OSBPL5: variants seen among roughly 807,000 people sequenced by gnomAD.
OSBPL5 encodes oxysterol binding protein like 5.
OSBPL5 carries 71 observed loss-of-function variants against 111.2 expected under a neutral mutation model. That is an observed-to-expected ratio of 0.64 (90% CI 0.53 to 0.78). The LOEUF is 0.78. OSBPL5 is among the 30% of genes least tolerant of loss of function. OSBPL5 has a pLI of 0.00. For missense variants in OSBPL5, 1,210 were observed against 1,189.3 expected, an observed-to-expected ratio of 1.02 and a Z score of -0.26; for synonymous variants, 549 against 513.9, an observed-to-expected ratio of 1.07 and a Z score of -0.93.
chr11:3,111,431 T>C (rs1371582807), intron 7 of OSBPL5, among the ~76,000 whole-genome samples: 1 of 152,070 alleles, frequency 6.6e-6, no homozygotes, highest in Non-Finnish European at 1.5e-5. Context: ...AACTGAATTG[T>C]GGTTTGTCTT....
intron 14 of OSBPL5, 140 bp downstream of exon 14, chr11:3,100,018 C>CAA (rs398015214): frequency 0.12 from 53,067 of 444,246 alleles, 1,674 homozygotes; most frequent in African/African-American, 0.25. Context: ...AACTCCATCT[C>CAA]AAAAAAAAAA....
At chr11:3,103,888 A>AGCCCCTTCCTGCCTCTGCAGCCCCC (rs1564830906) in intron 10 of OSBPL5, among the ~76,000 whole-genome samples, 17 of 102,884 alleles carry the variant, frequency 1.7e-4, no homozygotes, top group Non-Finnish European at 2.3e-4. Flanking sequence ...CTGTAGCCCC[A>AGCCCCTTCCTGCCTCTGCAGCCCCC]TTCCTGCCTC....
chr11:3,144,368 C>T (rs551651917), intron 1 of OSBPL5, among the ~76,000 whole-genome samples: 6 of 152,320 alleles, frequency 3.9e-5, no homozygotes, highest in East Asian at 1.9e-4. Flanking sequence ...TGTGCAGAAA[C>T]GCTGGCAGCG....
At chr11:3,096,616 C>CA (rs71035478) in intron 14 of OSBPL5, among the ~76,000 whole-genome samples, 88,358 of 136,480 alleles carry the variant, frequency 0.65, 28,261 homozygotes, top group East Asian at 0.82. Flanking sequence ...AAGACTCTGT[C>CA]AAAAAAAAAA....
chr11:3,132,045 CCATCCATT>C (rs1482213122), intron 1 of OSBPL5, among the ~76,000 whole-genome samples: 12 of 147,878 alleles, frequency 8.1e-5, no homozygotes, highest in African/African-American at 2.5e-4. Context: ...ATCCATCCAT[CCATCCATT>C]CACCCACCTG....
chr11:3,108,917 C>T (rs566441122), intron 7 of OSBPL5, among the ~76,000 whole-genome samples: 1 of 151,804 alleles, frequency 6.6e-6, no homozygotes, highest in East Asian at 2.0e-4. Context: ...TACAGGCATG[C>T]ACCACCACAC....
intron 7 of OSBPL5, among the ~76,000 whole-genome samples, chr11:3,108,847 C>T (rs796409192): frequency 1.3e-4 from 20 of 152,366 alleles, no homozygotes; most frequent in African/African-American, 3.4e-4. Flanking sequence ...CAGCTCACCG[C>T]AACCTCTGCC....
At chr11:3,159,316 C>A (rs1231693704) in intron 1 of OSBPL5, among the ~76,000 whole-genome samples, 1 of 152,182 alleles carries the variant, frequency 6.6e-6, no homozygotes, top group Non-Finnish European at 1.5e-5. Flanking sequence ...TGCTAAGTCC[C>A]AGCACCCCGT....
rs1195952192 is a variant in OSBPL5, at chr11:3,126,736, C to T, written c.137-181G>A. On this transcript the variant is annotated intron_variant, in intron 2 of 21. Transcript: ENST00000263650. This position sits in a 1 kb window ranked among gnomAD's most constrained non-coding sequence, Gnocchi z 6.5. Reference sequence around the variant, plus strand: ...GAGAGGTGTAATAAACGCCAGCAAGCGTCACTGTGGGAGGAGTGTGCCAGG... The same window carrying T: ...GAGAGGTGTAATAAACGCCAGCAAGTGTCACTGTGGGAGGAGTGTGCCAGG... The T allele has an allele frequency of 3.0e-5, 15 of 505,312 alleles. No individual in the cohort carries two copies. The East Asian group carries it at 3.1e-4, about 10-fold the overall frequency. The allele number at this position is 505,312 out of a possible 1,614,324, so 31.3% of individuals were successfully genotyped here.
chr11:3,113,415 G>C lies in OSBPL5; in HGVS notation c.692-5470C>G, dbSNP rs1858080624. Among the ~76,000 whole-genome samples the C allele has an allele frequency of 6.6e-6, 1 of 152,124 alleles. No individual in the cohort carries two copies. On this transcript the variant is annotated intron_variant, in intron 7 of 21. Coordinates refer to ENST00000263650, the MANE Select transcript of OSBPL5 (RefSeq NM_020896.4). This position sits in a 1 kb window ranked among gnomAD's most constrained non-coding sequence, Gnocchi z 4.8. The stretch of plus-strand genomic sequence containing the variant: ...ATAATGCCTGTAATCTCAGCACTTT[G>C]GGAGGCTGAGGTGGGTGGATCACAA...
At position 3,126,602 on chromosome 11, in the gene OSBPL5, C is replaced by CA. The variant is rs1235696424; in HGVS notation, c.137-48dup. 2 of 1,513,180 alleles carry CA rather than the reference C, an allele frequency of 1.3e-6. No homozygotes were observed. Among genetic ancestry groups the CA allele is most frequent in the Non-Finnish European group, 1.8e-6 (2 of 1,116,744 alleles). 93.7% of individuals were successfully genotyped at this position (1,513,180 alleles called of 1,614,324 possible). On this transcript the variant is annotated intron_variant, in intron 2 of 21. Transcript: ENST00000263650. This position sits in a 1 kb window ranked among gnomAD's most constrained non-coding sequence, Gnocchi z 6.5. ...GAGGACCCAGGCATGGTGGCGTGGC[C>CA]AGGCTTCTCAGGCCGCTGCCTGGTG...
chr11:3,112,077 G>GCA (rs1554898326), intron 7 of OSBPL5, among the ~76,000 whole-genome samples: 1,521 of 97,088 alleles, frequency 0.016, 28 homozygotes, highest in African/African-American at 0.051. Flanking sequence ...GTGTGTGCAT[G>GCA]TGTGTGTGCA....
intron 7 of OSBPL5, among the ~76,000 whole-genome samples, chr11:3,111,159 C>T (rs12362788): frequency 0.11 from 16,729 of 151,684 alleles, 1,102 homozygotes; most frequent in Non-Finnish European, 0.15. Flanking sequence ...CACCCCCACC[C>T]CCTGCCACAG....
intron 1 of OSBPL5, among the ~76,000 whole-genome samples, chr11:3,151,464 A>C (rs971369656): frequency 1.8e-4 from 28 of 152,214 alleles, no homozygotes; most frequent in African/African-American, 6.3e-4. Context: ...GCAGGTGACC[A>C]GACAGACCCG....
At chr11:3,153,537 C>T (rs1196288892) in intron 1 of OSBPL5, among the ~76,000 whole-genome samples, 5 of 152,142 alleles carry the variant, frequency 3.3e-5, no homozygotes, top group East Asian at 3.9e-4. Context: ...TGGCAAGCTG[C>T]GGGGGCTGAT....
intron 7 of OSBPL5, among the ~76,000 whole-genome samples, chr11:3,108,713 C>T (rs772411411): frequency 1.3e-5 from 2 of 152,202 alleles, no homozygotes; most frequent in Non-Finnish European, 2.9e-5. Context: ...CAGCGGCCCC[C>T]GCACTCAGAG....
rs929155240 is a variant in OSBPL5, at chr11:3,092,095, G to A, written c.2259+337C>T. On this transcript the variant is annotated intron_variant, in intron 19 of 21. Transcript: ENST00000263650. The surrounding 1 kb of genome is among the most constrained non-coding windows in gnomAD (Gnocchi z 5.4). ...TGCTGGCTCCTCCTCCTCCTACCTG[G>A]GAAGGGCCCTGGGCTGCCCTGACCT... Among the ~76,000 whole-genome samples the A allele has an allele frequency of 3.3e-5, 5 of 152,180 alleles. No homozygotes were observed. Among genetic ancestry groups the A allele is most frequent in the African/African-American group, 9.7e-5 (4 of 41,448 alleles).
chr11:3,100,197 C>T lies in OSBPL5; in HGVS notation c.1582G>A (p.Glu528Lys). The T allele has an allele frequency of 7.4e-6, 12 of 1,614,124 alleles. No individual in the cohort carries two copies. The highest frequency in any genetic ancestry group is 1.0e-5 in the Non-Finnish European group (12 of 1,180,022). The stretch of plus-strand genomic sequence containing the variant: ...TAGGGCATGGTAAGGGTGTAATCCT[C>T]GGCTCGGTTCAGGAAGGTGAGCGTG... The part of the protein sequence containing the change: ...KATLTFLNRA[E>K]DYTLTMPYAH... The change falls in exon 14 of 22, where the codon GAG becomes AAG. Residue 528 changes from glutamate to lysine, a missense_variant. Coordinates refer to ENST00000263650, the MANE Select transcript of OSBPL5 (RefSeq NM_020896.4).
chr11:3,160,672 T>TCCCCCCCCCCCCC (rs71035491), intron 1 of OSBPL5, among the ~76,000 whole-genome samples: 25 of 122,436 alleles, frequency 2.0e-4, no homozygotes, highest in East Asian at 8.3e-4. Context: ...ATGACAACCC[T>TCCCCCCCCCCCCC]CCCCCCCCCC....
Sources: allele counts gnomAD v4.1 joint callset (sites outside exome capture counted in the v4.1 genomes callset), GRCh38; gene constraint gnomAD v4.1.1; non-coding constraint Gnocchi (gnomAD v3.1); transcripts MANE v1.5; gene names NCBI Gene and HGNC (gene_info 2026-07-23, HGNC 2026-07-21).